The following SPMAP2L variants were observed in gnomAD, a reference collection of about 807,000 sequenced individuals.
SPMAP2L encodes sperm microtubule associated protein 2-like.
At chr4:56,577,615 T>C in the SPMAP2L span, among the ~76,000 whole-genome samples, 9,496 of 152,132 alleles carry the variant, frequency 0.062, 392 homozygotes, top group East Asian at 0.23. Context: ...AATAAAGCAC[T>C]GAAGGAAAAA....
the SPMAP2L span, chr4:56,594,405 T>A: frequency 1.2e-5 from 19 of 1,590,794 alleles, no homozygotes; most frequent in Non-Finnish European, 1.2e-5. Context: ...CACCCCTTTG[T>A]GCCTCTGGAC....
chr4:56,611,310 A>G, the SPMAP2L span, among the ~76,000 whole-genome samples: 2 of 152,226 alleles, frequency 1.3e-5, no homozygotes, highest in Admixed American at 1.3e-4. Context: ...ATGAGACTGG[A>G]GACTATTATT....
At chr4:56,558,775 T>G in the SPMAP2L span, among the ~76,000 whole-genome samples, 1 of 152,202 alleles carries the variant, frequency 6.6e-6, no homozygotes, top group African/African-American at 2.4e-5. Context: ...TGTCGTTTGA[T>G]TTTTTTCATC....
the SPMAP2L span, among the ~76,000 whole-genome samples, chr4:56,585,340 G>A: frequency 4.1e-4 from 63 of 152,150 alleles, no homozygotes; most frequent in African/African-American, 1.3e-3. Context: ...GGACATTACC[G>A]TGGGATTTTA....
At chr4:56,593,249 G>C in the SPMAP2L span, 1 of 1,269,118 alleles carries the variant, frequency 7.9e-7, no homozygotes, top group South Asian at 1.2e-5. Context: ...ATCCCTGCTG[G>C]ATGAGGGACT....
chr4:56,593,512 G>C, the SPMAP2L span: 1 of 1,600,162 alleles, frequency 6.2e-7, no homozygotes, highest in Non-Finnish European at 8.6e-7. Flanking sequence ...TCATCAGAGT[G>C]GGAGCCTGGC....
chr4:56,623,664 T>G, the SPMAP2L span, among the ~76,000 whole-genome samples: 1 of 152,294 alleles, frequency 6.6e-6, no homozygotes, highest in East Asian at 1.9e-4. Context: ...CATGATAGTC[T>G]ATAAGTCTCA....
chr4:56,550,358 G>A, the SPMAP2L span, among the ~76,000 whole-genome samples: 1 of 151,518 alleles, frequency 6.6e-6, no homozygotes, highest in African/African-American at 2.4e-5. Context: ...TTATTTTTGT[G>A]TAATGGTTTT....
chr4:56,567,056 T>A, the SPMAP2L span, among the ~76,000 whole-genome samples: 2 of 152,266 alleles, frequency 1.3e-5, no homozygotes, highest in South Asian at 4.1e-4. Context: ...TGTGCCACGG[T>A]GATCATACAT....
At chr4:56,550,239 C>T in the SPMAP2L span, among the ~76,000 whole-genome samples, 1 of 152,080 alleles carries the variant, frequency 6.6e-6, no homozygotes, top group Non-Finnish European at 1.5e-5. Context: ...CCTTCTAACT[C>T]AGCCTCCTGA....
At chr4:56,536,688 G>A in the SPMAP2L span, among the ~76,000 whole-genome samples, 1 of 152,164 alleles carries the variant, frequency 6.6e-6, no homozygotes, top group Non-Finnish European at 1.5e-5. Context: ...ACCCATAAAG[G>A]TCTTAGAACA....
At chr4:56,619,516 C>T in the SPMAP2L span, among the ~76,000 whole-genome samples, 1 of 152,200 alleles carries the variant, frequency 6.6e-6, no homozygotes, top group Non-Finnish European at 1.5e-5. Flanking sequence ...TGGCTTATTT[C>T]ACTCAGCACA....
At chr4:56,611,695 A>G in the SPMAP2L span, among the ~76,000 whole-genome samples, 3 of 152,202 alleles carry the variant, frequency 2.0e-5, no homozygotes, top group African/African-American at 7.2e-5. Flanking sequence ...CAGGAAGCTA[A>G]ACCACAGCCT....
chr4:56,588,332 A>C, the SPMAP2L span, among the ~76,000 whole-genome samples: 1 of 151,760 alleles, frequency 6.6e-6, no homozygotes, highest in Non-Finnish European at 1.5e-5. Context: ...AGTCTCAGCT[A>C]TTTATCTTTG....
At chr4:56,624,437 G>A in the SPMAP2L span, among the ~76,000 whole-genome samples, 1 of 152,238 alleles carries the variant, frequency 6.6e-6, no homozygotes, top group Non-Finnish European at 1.5e-5. Flanking sequence ...GGATCCTAAT[G>A]TTAATCCCCA....
At chr4:56,596,764 G>A in the SPMAP2L span, 1 of 1,014,288 alleles carries the variant, frequency 9.9e-7, no homozygotes, top group Non-Finnish European at 1.3e-6. Context: ...GGCAGGAAGA[G>A]AGACTAGCTA....
the SPMAP2L span, chr4:56,596,368 T>C: frequency 2.3e-6 from 2 of 872,752 alleles, no homozygotes; most frequent in Non-Finnish European, 1.6e-6. Context: ...TATAGGTTAC[T>C]GCAAGATTCC....
At chr4:56,618,090 G>T in the SPMAP2L span, among the ~76,000 whole-genome samples, 1 of 152,100 alleles carries the variant, frequency 6.6e-6, no homozygotes, top group African/African-American at 2.4e-5. Context: ...GCAACATTTG[G>T]GTGGGAAGGC....
the SPMAP2L span, among the ~76,000 whole-genome samples, chr4:56,577,319 A>T: frequency 6.6e-6 from 1 of 152,160 alleles, no homozygotes; most frequent in African/African-American, 2.4e-5. Flanking sequence ...GCACAAGAAT[A>T]GACTGAAAGT....
Sources: allele counts gnomAD v4.1 joint callset (sites outside exome capture counted in the v4.1 genomes callset), GRCh38; gene constraint gnomAD v4.1.1; transcripts MANE v1.5; gene names NCBI Gene and HGNC (gene_info 2026-07-23, HGNC 2026-07-21).